Variants in DHX58 observed in about 807,000 individuals in gnomAD.
The protein encoded by DHX58 is ATP-dependent RNA helicase DHX58.
In DHX58, 51 loss-of-function variants were observed where a neutral mutation model predicts 65.0. That is an observed-to-expected ratio of 0.78 (90% CI 0.63 to 0.99). The LOEUF is 0.99. Ranked by LOEUF, DHX58 falls within the 50% of genes least tolerant of loss-of-function variation. The pLI is 0.00. For synonymous variants in DHX58, 350 were observed against 365.0 expected (o/e 0.96, Z 0.47); for missense variants, 773 against 891.8 (o/e 0.87, Z 1.70).
Position 42,107,741 on chromosome 17 carries a change from T to C in DHX58, c.860A>G (p.Tyr287Cys), listed in dbSNP as rs150682851. ...QRVYALHLRR[Y>C]NDALLIHDTV... ...GTCATGGATGAGCAGCGCGTCATTG[T>C]AGCGCCTCAGGTGAAGCGCATACAC... Residue 287 changes from tyrosine (Y) to cysteine (C), a missense_variant, in exon 8 of 14, where the codon TAC becomes TGC. Coordinates refer to ENST00000251642, the MANE Select transcript of DHX58 (RefSeq NM_024119.3). 1.1e-4 allele frequency: 181 copies of C among 1,604,044 alleles called. No homozygotes were observed. Among genetic ancestry groups the C allele is most frequent in the Non-Finnish European group, 9.8e-5 (115 of 1,175,168 alleles).
chr17:42,111,922 C>A (rs189203903), intron 2 of DHX58, 29 bp from the exon 3 acceptor site: 168 of 1,582,428 alleles, frequency 1.1e-4, no homozygotes, highest in Middle Eastern at 2.0e-4. Flanking sequence ...TCAGACCCAC[C>A]GACTCCTCCA....
In DHX58 at chr17:42,101,458, G is replaced by A. The variant is rs2053976670; in HGVS notation, c.*303C>T. ...ATGAGGAGCCTCAAAAAATAGAAGT[G>A]GCCTTGGTAGGGAAGGAATGTCGTG... On this transcript the variant is annotated 3_prime_UTR_variant, in exon 14 of 14. Coordinates refer to ENST00000251642, the MANE Select transcript of DHX58 (RefSeq NM_024119.3). 3.5e-6 allele frequency: 1 copy of A among 283,132 alleles called. No homozygotes were observed. Among genetic ancestry groups the A allele is most frequent in the African/African-American group, 2.2e-5 (1 of 45,944 alleles). 17.5% of individuals were successfully genotyped at this position (283,132 alleles called of 1,614,324 possible).
chr17:42,104,792 T>C lies in DHX58; in HGVS notation c.1537A>G (p.Met513Val). The change falls in exon 11 of 14, where the codon ATG (methionine) becomes GTG (valine). Residue 513 changes from methionine (M) to valine (V), a missense_variant. Physicochemically the swap from Met to Val is conservative, Grantham distance 21. Coordinates refer to ENST00000251642, the MANE Select transcript of DHX58 (RefSeq NM_024119.3). ...MEQAVAAVQK[M>V]DQAEYQAKIR... The stretch of plus-strand genomic sequence containing the variant: ...TTGGCCTGGTACTCGGCCTGGTCCA[T>C]TTTCTGCACAGCAGCCACTGCCTGC... The C allele has an allele frequency of 6.2e-7, 1 of 1,614,036 alleles. No homozygotes were observed. The highest frequency in any genetic ancestry group is 8.5e-7 in the Non-Finnish European group (1 of 1,180,010).
At position 42,108,227 on chromosome 17, in the gene DHX58, G is replaced by A. The variant is rs1598218724; in HGVS notation, c.679-119C>T. ...TGCCTCACCCATCTGTCTTAGCTGT[G>A]GTGTGAGCTCCAGAGGGAGGCCGGC... is the stretch of plus-strand genomic sequence containing the variant. On this transcript the variant is annotated intron_variant, in intron 6 of 13. Transcript: ENST00000251642. The A allele has an allele frequency of 9.4e-6, 14 of 1,483,832 alleles. No homozygotes were observed. The East Asian group carries it at 2.6e-4, about 27-fold the overall frequency. The allele number at this position is 1,483,832 out of a possible 1,614,324, so 91.9% of individuals were successfully genotyped here. A position where few individuals can be genotyped will look rare whatever the true frequency, so the allele number is the denominator to read the frequency against.
In DHX58 at chr17:42,102,159, G is replaced by C; in HGVS notation, c.1851+57C>G. On this transcript the variant is annotated intron_variant, in intron 13 of 13. Transcript: ENST00000251642. ...GTGTCCTAGTGAGGGCTCCCTGAGG[G>C]CCTCTGAAGACTGGGGCTGAGGACT... 3 of 1,583,438 alleles carry C rather than the reference G, an allele frequency of 1.9e-6. 1 individual carries two copies. Among genetic ancestry groups the C allele is most frequent in the South Asian group, 2.2e-5 (2 of 90,440 alleles).
At position 42,107,818 on chromosome 17, in the gene DHX58, C is replaced by G. The variant is rs1555663132; in HGVS notation, c.806-23G>C. On this transcript the variant is annotated intron_variant, in intron 7 of 13. Transcript: ENST00000251642. ...CCGCTGCGGGAAGAGGGCGCAGGGTCTGAGCAGCCCACAGCCCCGCCCCCT... is the reference window on the plus strand; with the variant it reads ...CCGCTGCGGGAAGAGGGCGCAGGGTGTGAGCAGCCCACAGCCCCGCCCCCT... 2.6e-6 allele frequency: 4 copies of G among 1,551,038 alleles called. No homozygotes were observed. The South Asian group carries it at 4.8e-5, about 19-fold the overall frequency.
In DHX58 at chr17:42,104,826, C is replaced by T. The variant is rs782729351; in HGVS notation, c.1503G>A (p.Thr501=). The T allele has an allele frequency of 3.7e-6, 6 of 1,614,150 alleles. No individual in the cohort carries two copies. The highest frequency in any genetic ancestry group is 4.5e-5 in the East Asian group (2 of 44,892). The change falls in exon 11 of 14, where the codon ACG becomes ACA. Residue 501 remains threonine, a synonymous_variant. Transcript: ENST00000251642. Reference sequence around the variant, plus strand: ...CAGCAGCCACTGCCTGCTCCATCAGCGTCTCCAGCGCCTCGTTGATCAGCT... The same window carrying T: ...CAGCAGCCACTGCCTGCTCCATCAGTGTCTCCAGCGCCTCGTTGATCAGCT... ...KRELINEALE[T]LMEQAVAAVQ...
In DHX58 at chr17:42,110,842, G is replaced by A; in HGVS notation, c.442C>T (p.Gln148Ter). 1 of 1,614,096 alleles carries A rather than the reference G, an allele frequency of 6.2e-7. No individual in the cohort carries two copies. The highest frequency in any genetic ancestry group is 8.5e-7 in the Non-Finnish European group (1 of 1,179,974). ...CTCTGGAGTTTAAGTTCTAGGTACT[G>A]GCTCATGATGACGTTGTAGACGGTG... ...KDTVYNVIMS[Q>*]YLELKLQRAQ... Residue 148 changes from glutamine to a stop codon, truncating the protein, a stop_gained, in exon 5 of 14, where the codon CAG (glutamine) becomes TAG (stop). Transcript: ENST00000251642. LOFTEE classifies it high-confidence loss of function.
At chr17:42,108,199 G>C in intron 6 of DHX58, 91 bp from the exon 7 acceptor site, 4 of 1,575,080 alleles carry the variant, frequency 2.5e-6, no homozygotes, top group Non-Finnish European at 3.5e-6. Flanking sequence ...AGCACACCGC[G>C]ACTGCCTCAC....
intron 6 of DHX58, 88 bp from the exon 7 acceptor site, chr17:42,108,196 C>T (rs1322764711): frequency 2.5e-6 from 4 of 1,581,972 alleles, no homozygotes; most frequent in African/African-American, 2.7e-5. Context: ...TGTAGCACAC[C>T]GCGACTGCCT....
intron 6 of DHX58, among the ~76,000 whole-genome samples, chr17:42,108,490 C>T (rs1568004982): frequency 6.6e-6 from 1 of 152,234 alleles, no homozygotes; most frequent in Non-Finnish European, 1.5e-5. Flanking sequence ...GGTAAAACTG[C>T]CCTGCTGACG....
chr17:42,101,777 T>A lies in DHX58; in HGVS notation c.2021A>T (p.Asp674Val), dbSNP rs782516612. The change falls in exon 14 of 14, where the codon GAC becomes GTC. Residue 674 changes from aspartate to valine, a missense_variant. Transcript: ENST00000251642. ...ATGAGGTGGTCAGTCCAGGGAGAGGTCCGACAAGTTCTCGGCACAATGCTG... is the reference window on the plus strand; with the variant it reads ...ATGAGGTGGTCAGTCCAGGGAGAGGACCGACAAGTTCTCGGCACAATGCTG... ...FLQHCAENLS[D>V]LSLD is the part of the protein sequence containing the mutation. 6.2e-7 allele frequency: 1 copy of A among 1,613,908 alleles called. No individual in the cohort carries two copies. Among genetic ancestry groups the A allele is most frequent in the Non-Finnish European group, 8.5e-7 (1 of 1,179,966 alleles).
chr17:42,108,171 G>T (rs2054094725), intron 6 of DHX58, 63 bp from the exon 7 acceptor site: 2 of 1,611,082 alleles, frequency 1.2e-6, no homozygotes, highest in Non-Finnish European at 1.7e-6. Context: ...CCCAGTGGGG[G>T]TGCTGACCCC....
intron 9 of DHX58, 77 bp from the exon 10 acceptor site, chr17:42,105,244 C>G: frequency 2.7e-6 from 4 of 1,482,848 alleles, no homozygotes; most frequent in Non-Finnish European, 3.6e-6. Context: ...CCAGAGTAGC[C>G]TCTTCTGGTT....
At position 42,107,791 on chromosome 17, in the gene DHX58, A is replaced by G. The variant is rs1248814076; in HGVS notation, c.810T>C (p.Ala270=). 2 of 1,573,740 alleles carry G rather than the reference A, an allele frequency of 1.3e-6. No homozygotes were observed. The highest frequency in any genetic ancestry group is 1.7e-6 in the Non-Finnish European group (2 of 1,158,570). Residue 270 remains alanine (A), a synonymous_variant, in exon 8 of 14, where the codon GCT becomes GCC. Transcript: ENST00000251642. ...QQVVKLSEAA[A]LAGLQEQRVY... ...CCCGTTGCTCCTGAAGCCCAGCCAA[A>G]GCCGCTGCGGGAAGAGGGCGCAGGG...
chr17:42,102,134 G>C, intron 13 of DHX58, 82 bp downstream of exon 13: 1 of 1,522,204 alleles, frequency 6.6e-7, no homozygotes, highest in Admixed American at 1.7e-5. Context: ...ACTGTCTCCC[G>C]TGTCCTAGTG....
intron 8 of DHX58, among the ~76,000 whole-genome samples, chr17:42,106,896 C>G (rs534523848): frequency 7.2e-5 from 11 of 152,280 alleles, no homozygotes; most frequent in African/African-American, 2.6e-4. Context: ...AACCTCAGAC[C>G]AGAACCCTCT....
chr17:42,104,229 T>C (rs549268845), intron 11 of DHX58, among the ~76,000 whole-genome samples: 1 of 148,314 alleles, frequency 6.7e-6, no homozygotes, highest in Non-Finnish European at 1.5e-5. Flanking sequence ...AAAACAGCTA[T>C]GGAGAAAAAC....
At chr17:42,110,449 G>T (rs1157713932) in intron 5 of DHX58, among the ~76,000 whole-genome samples, 1 of 152,244 alleles carries the variant, frequency 6.6e-6, no homozygotes, top group African/African-American at 2.4e-5. Flanking sequence ...AGGCAGGCCA[G>T]TGTAACTGTA....
Sources: allele counts gnomAD v4.1 joint callset (sites outside exome capture counted in the v4.1 genomes callset), GRCh38; gene constraint gnomAD v4.1.1; transcripts MANE v1.5; gene names NCBI Gene and HGNC (gene_info 2026-07-23, HGNC 2026-07-21).